VSTM4: variants seen among roughly 807,000 people sequenced by gnomAD.
VSTM4 encodes the protein V-set and transmembrane domain containing 4, also known as V-set and transmembrane domain-containing protein 4.
In VSTM4, 20 loss-of-function variants were observed where a neutral mutation model predicts 36.4. The observed-to-expected ratio is 0.55, with a 90% CI of 0.39 to 0.80. The LOEUF (loss-of-function observed/expected upper bound fraction) is 0.80. VSTM4 is among the 30% of genes least tolerant of loss of function. The pLI is 0.00. For synonymous variants in VSTM4, 182 were observed against 173.9 expected (o/e 1.05, Z -0.37); for missense variants, 392 against 404.5 (o/e 0.97, Z 0.26).
At chr10:49,078,690 C>T (rs1844224514) in intron 3 of VSTM4, among the ~76,000 whole-genome samples, 1 of 152,134 alleles carries the variant, frequency 6.6e-6, no homozygotes, top group African/African-American at 2.4e-5. Context: ...ACAAGGGCCA[C>T]TTATAATGAC....
intron 5 of VSTM4, among the ~76,000 whole-genome samples, chr10:49,060,531 C>T (rs1340354721): frequency 6.6e-6 from 1 of 152,084 alleles, no homozygotes; most frequent in African/African-American, 2.4e-5. Context: ...ATCTTTTGTG[C>T]CCATTTTTAA....
rs541646799 is a variant in VSTM4, at chr10:49,102,386, G to A, written c.457+5208C>T. Reference sequence around the variant, plus strand: ...CTTGACTTCGTGATCCACCCACCTCGGCCTCCCAAAGTGCTGGGATTACAG... The same window carrying A: ...CTTGACTTCGTGATCCACCCACCTCAGCCTCCCAAAGTGCTGGGATTACAG... On this transcript the variant is annotated intron_variant, in intron 2 of 7. Transcript: ENST00000332853. 47 of 983,648 alleles carry A rather than the reference G, an allele frequency of 4.8e-5. No homozygotes were observed. The Admixed American group carries it at 1.5e-3, about 31-fold the overall frequency. The allele number at this position is 983,648 out of a possible 1,614,324, so 60.9% of individuals were successfully genotyped here. A position where few individuals can be genotyped will look rare whatever the true frequency, so the allele number is the denominator to read the frequency against.
chr10:49,112,482 G>A (rs898765076), intron 1 of VSTM4, among the ~76,000 whole-genome samples: 5 of 152,176 alleles, frequency 3.3e-5, no homozygotes, highest in African/African-American at 4.8e-5. Flanking sequence ...TTCCTCATCC[G>A]AAAAATGGGA....
At chr10:49,042,978 G>GGGTA (rs1245224450) in intron 7 of VSTM4, among the ~76,000 whole-genome samples, 2 of 152,148 alleles carry the variant, frequency 1.3e-5, no homozygotes, top group African/African-American at 4.8e-5. Context: ...AGGGGAGAGT[G>GGGTA]GGTACATGGG....
At chr10:49,031,155 C>T (rs1438699343) in intron 7 of VSTM4, among the ~76,000 whole-genome samples, 1 of 152,320 alleles carries the variant, frequency 6.6e-6, no homozygotes, top group East Asian at 1.9e-4. Context: ...TGAACACTCT[C>T]AATATTCTGA....
At chr10:49,082,930 T>C (rs1590115886) in intron 3 of VSTM4, among the ~76,000 whole-genome samples, 1 of 152,082 alleles carries the variant, frequency 6.6e-6, no homozygotes, top group African/African-American at 2.4e-5. Context: ...CTGGGGTGCA[T>C]AATGTCAGCA....
chr10:49,099,931 G>A (rs565307051), intron 2 of VSTM4, among the ~76,000 whole-genome samples: 10 of 152,218 alleles, frequency 6.6e-5, no homozygotes, highest in Admixed American at 3.3e-4. Flanking sequence ...CAGGAGAATC[G>A]CTTGAACCCA....
chr10:49,105,003 AG>A (rs1191879898), intron 2 of VSTM4, among the ~76,000 whole-genome samples: 1 of 29,886 alleles, frequency 3.3e-5, no homozygotes, highest in Non-Finnish European at 6.0e-5. Context: ...AGAGACAGAG[AG>A]AGAGACAGAG....
chr10:49,095,907 T>C (rs1009608940), intron 2 of VSTM4, among the ~76,000 whole-genome samples: 5 of 152,252 alleles, frequency 3.3e-5, no homozygotes, highest in African/African-American at 9.6e-5. Context: ...GACAGGCTCA[T>C]AAACTGGGGC....
At chr10:49,052,119 T>A (rs1843707476) in intron 5 of VSTM4, among the ~76,000 whole-genome samples, 1 of 152,164 alleles carries the variant, frequency 6.6e-6, no homozygotes, top group South Asian at 2.1e-4. Context: ...CATTTTGGGG[T>A]TGAATTTCTA....
intron 1 of VSTM4, among the ~76,000 whole-genome samples, chr10:49,108,923 A>G (rs752205711): frequency 5.9e-5 from 9 of 152,090 alleles, no homozygotes; most frequent in Non-Finnish European, 1.0e-4. Flanking sequence ...GCCACGATTC[A>G]TGGTGTACCC....
chr10:49,071,110 G>C (rs1341516341), intron 4 of VSTM4, among the ~76,000 whole-genome samples: 1 of 152,232 alleles, frequency 6.6e-6, no homozygotes, highest in Non-Finnish European at 1.5e-5. Flanking sequence ...GGGAGGTTCT[G>C]TTTCCAGTTC....
At position 49,017,420 on chromosome 10, in the gene VSTM4, T is replaced by G. The variant is rs1256511927; in HGVS notation, c.*2230A>C. The G allele has an allele frequency of 6.6e-6, 1 of 152,244 alleles. No individual in the cohort carries two copies. Among genetic ancestry groups the G allele is most frequent in the African/African-American group, 2.4e-5 (1 of 41,442 alleles). The allele number at this position is 152,244 out of a possible 1,614,324, so 9.4% of individuals were successfully genotyped here. A position where few individuals can be genotyped will look rare whatever the true frequency, so the allele number is the denominator to read the frequency against. On this transcript the variant is annotated 3_prime_UTR_variant, in exon 8 of 8. Transcript: ENST00000332853. The stretch of plus-strand genomic sequence containing the variant: ...GCAGGTTCCCATTCACACACCTTAG[T>G]GTGGATTCATGCAGTGATGACCACA...
chr10:49,032,387 G>C (rs1311134810), intron 7 of VSTM4, among the ~76,000 whole-genome samples: 1 of 152,216 alleles, frequency 6.6e-6, no homozygotes, highest in Non-Finnish European at 1.5e-5. Flanking sequence ...GGGCCGTGTG[G>C]ATAAATGTTG....
intron 4 of VSTM4, among the ~76,000 whole-genome samples, chr10:49,068,600 T>G (rs1452708749): frequency 6.6e-6 from 1 of 152,228 alleles, no homozygotes; most frequent in East Asian, 1.9e-4. Flanking sequence ...TACAGGCACC[T>G]GAGAAATAGA....
chr10:49,028,600 CA>C (rs1318656904), intron 7 of VSTM4, among the ~76,000 whole-genome samples: 2 of 152,208 alleles, frequency 1.3e-5, no homozygotes, highest in African/African-American at 4.8e-5. Context: ...CTGAGTATAT[CA>C]TTTTGTAGGT....
At position 49,079,848 on chromosome 10, in the gene VSTM4, T is replaced by A. The variant is rs143142039; in HGVS notation, c.527-2522A>T. ...GGCCATCCTGTCACCCTGAGATAAC[T>A]ACTATTAATAAATATTTGGTATACT... is the stretch of plus-strand genomic sequence containing the variant. On this transcript the variant is annotated intron_variant, in intron 3 of 7. Coordinates refer to ENST00000332853, the MANE Select transcript of VSTM4 (RefSeq NM_001031746.5). Among the ~76,000 whole-genome samples the A allele has an allele frequency of 4.7e-5, 7 of 148,922 alleles. No individual in the cohort carries two copies. In the East Asian group the frequency reaches 1.4e-3, roughly 29 times the overall value.
intron 1 of VSTM4, among the ~76,000 whole-genome samples, chr10:49,112,776 C>T (rs1302036609): frequency 6.6e-6 from 1 of 152,192 alleles, no homozygotes; most frequent in Non-Finnish European, 1.5e-5. Context: ...CACTGGATCC[C>T]ACAAGCGATG....
At chr10:49,047,688 T>TC (rs767773821) in intron 6 of VSTM4, among the ~76,000 whole-genome samples, 14 of 152,070 alleles carry the variant, frequency 9.2e-5, no homozygotes, top group Non-Finnish European at 2.1e-4. Flanking sequence ...ATGCTTTTCA[T>TC]CCCCCTGCAG....
Sources: allele counts gnomAD v4.1 joint callset (sites outside exome capture counted in the v4.1 genomes callset), GRCh38; gene constraint gnomAD v4.1.1; transcripts MANE v1.5; gene names NCBI Gene and HGNC (gene_info 2026-07-23, HGNC 2026-07-21).